SFSWAP: variants seen among roughly 807,000 people sequenced by gnomAD.
SFSWAP encodes the protein splicing factor SWAP.
SFSWAP carries 17 observed loss-of-function variants against 100.7 expected under a neutral mutation model. That is an observed-to-expected ratio of 0.17 (90% CI 0.12 to 0.25). The LOEUF (loss-of-function observed/expected upper bound fraction) is 0.25, where lower values mean the gene tolerates loss of function less well. Among genes scored for constraint, SFSWAP ranks in the 10% least tolerant of loss-of-function variants. The pLI, the probability that SFSWAP is intolerant of heterozygous loss-of-function variation, is 1.00. For synonymous variants in SFSWAP, 504 were observed against 510.1 expected (o/e 0.99, Z 0.16); for missense variants, 1,005 against 1,262.6 (o/e 0.80, Z 3.09).
At position 131,714,922 on chromosome 12, in the gene SFSWAP, G is replaced by A. The variant is rs764960660; in HGVS notation, c.489G>A (p.Pro163=). 6.2e-6 allele frequency: 10 copies of A among 1,614,108 alleles called. No individual in the cohort carries two copies. In the East Asian group the frequency reaches 6.7e-5, roughly 11 times the overall value. Residue 163 remains proline (P), a synonymous_variant, in exon 3 of 18, where the codon CCG becomes CCA. Transcript: ENST00000261674. This position sits in a 1 kb window ranked among gnomAD's most constrained non-coding sequence, Gnocchi z 6.0. Reference sequence around the variant, plus strand: ...GCGACTATTACGACCCGTCAGAGCCGACGGAGGAGGAGGAGCCTTCCAAAC... The same window carrying A: ...GCGACTATTACGACCCGTCAGAGCCAACGGAGGAGGAGGAGCCTTCCAAAC... ...YGSDYYDPSE[P]TEEEEPSKQR... is the part of the protein sequence containing the mutation.
rs1879412213 is a variant in SFSWAP at position 131,730,662 on chromosome 12, C to T, written c.1081+2234C>T. Among the ~76,000 whole-genome samples, 1 of 152,168 alleles carries T rather than the reference C, an allele frequency of 6.6e-6. No individual in the cohort carries two copies. The highest frequency in any genetic ancestry group is 2.1e-4 in the South Asian group (1 of 4,834). ...CAGAGCCCACACACTTTGGTTTCTTCCCACCTGCTGATGGCTCCCGAGACC... is the reference window on the plus strand; with the variant it reads ...CAGAGCCCACACACTTTGGTTTCTTTCCACCTGCTGATGGCTCCCGAGACC... On this transcript the variant is annotated intron_variant, in intron 7 of 17. Coordinates refer to ENST00000261674, the MANE Select transcript of SFSWAP (RefSeq NM_004592.4). This position sits in a 1 kb window ranked among gnomAD's most constrained non-coding sequence, Gnocchi z 4.0.
intron 11 of SFSWAP, among the ~76,000 whole-genome samples, chr12:131,760,383 T>C (rs115516525): frequency 0.013 from 2,028 of 152,268 alleles, 43 homozygotes; most frequent in African/African-American, 0.046. Context: ...CATGAAAATA[T>C]GGTTCCAAAA....
chr12:131,749,858 G>A (rs1272773399), intron 7 of SFSWAP, among the ~76,000 whole-genome samples: 1 of 152,208 alleles, frequency 6.6e-6, no homozygotes, highest in Non-Finnish European at 1.5e-5. Context: ...GTTGCCATAG[G>A]GCGTTGTTTA....
chr12:131,756,190 A>G (rs776080005), intron 10 of SFSWAP, among the ~76,000 whole-genome samples: 4 of 152,266 alleles, frequency 2.6e-5, no homozygotes, highest in African/African-American at 4.8e-5. Context: ...CTGAGTAATC[A>G]GTGTCCAAAG....
intron 7 of SFSWAP, among the ~76,000 whole-genome samples, chr12:131,729,357 T>A (rs1003402357): frequency 3.3e-5 from 5 of 151,604 alleles, no homozygotes; most frequent in African/African-American, 7.3e-5. Context: ...TAAAAAAAAA[T>A]TAGCTGGGCA....
At position 131,711,485 on chromosome 12, in the gene SFSWAP, C is replaced by T. The variant is rs541057433; in HGVS notation, c.218+38C>T. 3 of 1,524,302 alleles carry T rather than the reference C, an allele frequency of 2.0e-6. No homozygotes were observed. Among genetic ancestry groups the T allele is most frequent in the African/African-American group, 2.7e-5 (2 of 73,364 alleles). 94.4% of individuals were successfully genotyped at this position (1,524,302 alleles called of 1,614,324 possible). On this transcript the variant is annotated intron_variant, in intron 1 of 17. Coordinates refer to ENST00000261674, the MANE Select transcript of SFSWAP (RefSeq NM_004592.4). The surrounding 1 kb of genome is among the most constrained non-coding windows in gnomAD (Gnocchi z 4.9). ...CCCCACCCGTCGATCCTTCCCTTCC[C>T]TCACCCGCTTGATCTCGTCTGATGT...
chr12:131,766,005 T>C, intron 12 of SFSWAP, 113 bp from the exon 13 acceptor site: 1 of 1,037,660 alleles, frequency 9.6e-7, no homozygotes, highest in Non-Finnish European at 1.4e-6. Flanking sequence ...ATGTACCTAT[T>C]CAGAAACTTT....
chr12:131,770,921 G>T (rs1246582625), intron 13 of SFSWAP, among the ~76,000 whole-genome samples: 1 of 152,198 alleles, frequency 6.6e-6, no homozygotes, highest in African/African-American at 2.4e-5. Context: ...GACCGCATGT[G>T]TGTGGGATTC....
At chr12:131,762,106 A>C (rs1882724232) in intron 11 of SFSWAP, among the ~76,000 whole-genome samples, 1 of 152,118 alleles carries the variant, frequency 6.6e-6, no homozygotes, top group Non-Finnish European at 1.5e-5. Flanking sequence ...GGTGGCGAGC[A>C]CCTGTAATCC....
At position 131,730,893 on chromosome 12, in the gene SFSWAP, C is replaced by G. The variant is rs1383425495; in HGVS notation, c.1081+2465C>G. The stretch of plus-strand genomic sequence containing the variant: ...CTCGACACAGCAAGAGTAGTGGATA[C>G]ACACATGTGAGAGTAAGGGTGCCTG... On this transcript the variant is annotated intron_variant, in intron 7 of 17. Coordinates refer to ENST00000261674, the MANE Select transcript of SFSWAP (RefSeq NM_004592.4). This position sits in a 1 kb window ranked among gnomAD's most constrained non-coding sequence, Gnocchi z 4.0. Among the ~76,000 whole-genome samples, 2 of 152,186 alleles carry G rather than the reference C, an allele frequency of 1.3e-5. No individual in the cohort carries two copies. The highest frequency in any genetic ancestry group is 2.9e-5 in the Non-Finnish European group (2 of 68,034).
At chr12:131,726,764 A>G (rs1461716201) in intron 5 of SFSWAP, among the ~76,000 whole-genome samples, 176 bp from the exon 6 acceptor site, 1 of 152,220 alleles carries the variant, frequency 6.6e-6, no homozygotes, top group Non-Finnish European at 1.5e-5. Flanking sequence ...AAAGGTCGCA[A>G]TCCTTTTTAT....
At chr12:131,721,747 C>A (rs1443063830) in intron 4 of SFSWAP, among the ~76,000 whole-genome samples, 1 of 152,186 alleles carries the variant, frequency 6.6e-6, no homozygotes, top group Non-Finnish European at 1.5e-5. Context: ...ACATACTTGT[C>A]ACTCATTGGA....
At chr12:131,712,656 C>G (rs969812617) in intron 1 of SFSWAP, 1 of 152,124 alleles carries the variant, frequency 6.6e-6, no homozygotes, top group African/African-American at 2.4e-5. Context: ...AATTAGAGCT[C>G]GAAAACGAGA....
intron 7 of SFSWAP, among the ~76,000 whole-genome samples, chr12:131,739,401 T>A (rs567804859): frequency 6.6e-6 from 1 of 152,146 alleles, no homozygotes; most frequent in African/African-American, 2.4e-5. Context: ...TATGCTGATA[T>A]AGAAATATAT....
At chr12:131,756,841 G>C (rs1882221692) in intron 11 of SFSWAP, 197 bp downstream of exon 11, 1 of 578,764 alleles carries the variant, frequency 1.7e-6, no homozygotes, top group Non-Finnish European at 3.1e-6. Flanking sequence ...GGTAACGTGA[G>C]TGTGAGCAGC....
intron 13 of SFSWAP, among the ~76,000 whole-genome samples, chr12:131,768,043 G>T (rs1283752647): frequency 6.6e-6 from 1 of 152,256 alleles, no homozygotes; most frequent in East Asian, 1.9e-4. Context: ...GCATGCGCGT[G>T]CTCGCTCATC....
At chr12:131,777,494 T>C (rs536299496) in intron 13 of SFSWAP, among the ~76,000 whole-genome samples, 32 of 152,366 alleles carry the variant, frequency 2.1e-4, no homozygotes, top group African/African-American at 7.7e-4. Context: ...TATGGCTGCA[T>C]AGTATTCCAT....
Position 131,725,654 on chromosome 12 carries a change from G to C in SFSWAP, c.832+24G>C, listed in dbSNP as rs371219462. The C allele has an allele frequency of 2.5e-5, 40 of 1,572,020 alleles. No individual in the cohort carries two copies. In the South Asian group the frequency reaches 4.4e-4, roughly 17 times the overall value. ...AAGTAGGTCCCACTGCGTCTGTTCCGTCCAGACTTTGGGCCTGTGTTGTGG... is the reference window on the plus strand; with the variant it reads ...AAGTAGGTCCCACTGCGTCTGTTCCCTCCAGACTTTGGGCCTGTGTTGTGG... On this transcript the variant is annotated intron_variant, in intron 5 of 17. Transcript: ENST00000261674. This position sits in a 1 kb window ranked among gnomAD's most constrained non-coding sequence, Gnocchi z 4.3.
intron 5 of SFSWAP, among the ~76,000 whole-genome samples, chr12:131,726,689 A>G (rs1465700993): frequency 6.6e-6 from 1 of 152,250 alleles, no homozygotes; most frequent in Non-Finnish European, 1.5e-5. Flanking sequence ...AGGCAGAGAG[A>G]AAGAAAGCAT....
Sources: gnomAD v4.1 joint callset for allele counts (sites outside exome capture counted in the v4.1 genomes callset) on GRCh38, gnomAD v4.1.1 for gene constraint, Gnocchi (gnomAD v3.1) non-coding constraint, MANE v1.5 for transcripts, NCBI Gene and HGNC (gene_info 2026-07-23, HGNC 2026-07-21) for gene names.